Variants in ROCK1 observed in about 807,000 individuals in gnomAD.
ROCK1 encodes rho-associated protein kinase 1.
In ROCK1, 36 loss-of-function variants were observed where a neutral mutation model predicts 196.8. That is an observed-to-expected ratio of 0.18 (90% CI 0.14 to 0.24). ROCK1 has a LOEUF of 0.24. Ranked by LOEUF, ROCK1 falls within the 10% of genes least tolerant of loss-of-function variation. ROCK1 has a pLI of 1.00. For synonymous variants in ROCK1, 443 were observed against 515.9 expected (o/e 0.86, Z 1.91); for missense variants, 920 against 1,562.0 (o/e 0.59, Z 6.93).
rs1598534501 is a variant in ROCK1, at chr18:21,028,880, A to G, written c.1107T>C (p.Asp369=). The G allele has an allele frequency of 6.2e-7, 1 of 1,612,656 alleles. No homozygotes were observed. The highest frequency in any genetic ancestry group is 1.3e-5 in the African/African-American group (1 of 75,002). Residue 369 remains aspartate (D), a synonymous_variant, in exon 10 of 33, where the codon GAT becomes GAC. Coordinates refer to ENST00000399799, the MANE Select transcript of ROCK1 (RefSeq NM_005406.3). ...LSSDIDTSNF[D]DLEEDKGEEE... is the part of the protein sequence containing the mutation. The stretch of plus-strand genomic sequence containing the variant: ...CCTCTCCTTTATCTTCTTCCAAGTC[A>G]TCAAAATTACTAGTATCAATGTCAC...
chr18:21,087,576 A>G (rs947427638), intron 1 of ROCK1, among the ~76,000 whole-genome samples: 5 of 152,226 alleles, frequency 3.3e-5, no homozygotes, highest in Admixed American at 2.0e-4. Flanking sequence ...GGCCAGGCAC[A>G]GAATGGAAAA....
chr18:21,105,228 A>C (rs1392309702), intron 1 of ROCK1, among the ~76,000 whole-genome samples: 1 of 152,252 alleles, frequency 6.6e-6, no homozygotes, highest in East Asian at 1.9e-4. Flanking sequence ...TTCAGCAAAT[A>C]CATGTCAGAG....
chr18:21,009,333 T>G (rs934815624), intron 13 of ROCK1, among the ~76,000 whole-genome samples: 11 of 151,804 alleles, frequency 7.2e-5, no homozygotes, highest in Non-Finnish European at 1.3e-4. Context: ...TTTTTTTTTT[T>G]TAACTCAACA....
At chr18:21,051,969 T>TG (rs1490390644) in intron 2 of ROCK1, among the ~76,000 whole-genome samples, 1 of 151,954 alleles carries the variant, frequency 6.6e-6, no homozygotes, top group Admixed American at 6.6e-5. Context: ...AGACAGGAGG[T>TG]GGGGAGAATT....
At chr18:21,035,899 G>A (rs2036052907) in intron 9 of ROCK1, among the ~76,000 whole-genome samples, 1 of 152,166 alleles carries the variant, frequency 6.6e-6, no homozygotes, top group Non-Finnish European at 1.5e-5. Flanking sequence ...AAAGAATAGT[G>A]ATTACTGGAC....
chr18:21,034,986 CAA>C (rs1339452985), intron 9 of ROCK1, among the ~76,000 whole-genome samples: 1 of 152,118 alleles, frequency 6.6e-6, no homozygotes, highest in East Asian at 1.9e-4. Context: ...AGAAATCTCT[CAA>C]GAGAAGATAT....
chr18:20,969,377 G>A (rs2035405021), intron 23 of ROCK1, 169 bp from the exon 24 acceptor site: 17 of 495,872 alleles, frequency 3.4e-5, no homozygotes, highest in Non-Finnish European at 3.5e-6. Context: ...ATATTTAAAA[G>A]TAGTTAACAG....
chr18:20,960,037 A>C, intron 28 of ROCK1, 99 bp downstream of exon 28: 1 of 1,057,498 alleles, frequency 9.5e-7, no homozygotes, highest in Non-Finnish European at 1.5e-6. Context: ...ATTAATGTAA[A>C]ATAAATGCTA....
At chr18:20,984,276 T>C (rs2035558639) in intron 20 of ROCK1, 75 bp downstream of exon 20, 1 of 1,108,906 alleles carries the variant, frequency 9.0e-7, no homozygotes, top group Non-Finnish European at 1.3e-6. Flanking sequence ...TCTGTACATA[T>C]GTAAAATGTC....
At chr18:21,020,475 A>C (rs949386219) in intron 11 of ROCK1, among the ~76,000 whole-genome samples, 8 of 152,226 alleles carry the variant, frequency 5.3e-5, no homozygotes, top group Non-Finnish European at 1.5e-5. Context: ...CTCATGAAGC[A>C]AATAGTTACA....
rs2035296428 is a variant in ROCK1, at chr18:20,959,132, A to ATATATTATATAAAATATATATAT, written c.3512+707_3512+708insATATATATATTTTATATAATATA. On this transcript the variant is annotated intron_variant, in intron 29 of 32. Transcript: ENST00000399799. ...ATATATATTATATAATATATATATT[A>ATATATTATATAAAATATATATAT]TATATATTATATAAAATATATATAT... Among the ~76,000 whole-genome samples the ATATATTATATAAAATATATATAT allele has an allele frequency of 1.9e-4, 10 of 52,136 alleles. 1 individual carries two copies. Among genetic ancestry groups the ATATATTATATAAAATATATATAT allele is most frequent in the African/African-American group, 1.5e-3 (10 of 6,884 alleles). The allele number at this position is 52,136 out of a possible 152,430, so 34.2% of individuals were successfully genotyped here. A position where few individuals can be genotyped will look rare whatever the true frequency, so the allele number is the denominator to read the frequency against.
rs2036754634 is a variant in ROCK1 at position 21,111,691 on chromosome 18, G to C, written c.-781C>G. The C allele has an allele frequency of 1.3e-5, 2 of 153,734 alleles. No homozygotes were observed. The allele number at this position is 153,734 out of a possible 1,614,324, so 9.5% of individuals were successfully genotyped here. On this transcript the variant is annotated 5_prime_UTR_variant, in exon 1 of 33. Coordinates refer to ENST00000399799, the MANE Select transcript of ROCK1 (RefSeq NM_005406.3). This position sits in a 1 kb window ranked among gnomAD's most constrained non-coding sequence, Gnocchi z 4.2. ...TGGGGGAGCTTCTGGGAGGGGCTGC[G>C]GTCCCAGCCGGGGAAAGGGCGAGTC... is the stretch of plus-strand genomic sequence containing the variant.
At chr18:21,064,616 A>G (rs190302761) in intron 2 of ROCK1, among the ~76,000 whole-genome samples, 5 of 152,374 alleles carry the variant, frequency 3.3e-5, no homozygotes, top group Admixed American at 3.3e-4. Context: ...GGAGTAGAAG[A>G]GAGAATGACT....
At position 20,950,929 on chromosome 18, in the gene ROCK1, T is replaced by C. The variant is rs1294314084; in HGVS notation, c.*455A>G. 1.3e-5 allele frequency: 2 copies of C among 152,992 alleles called. No homozygotes were observed. The highest frequency in any genetic ancestry group is 2.4e-5 in the African/African-American group (1 of 41,360). 9.5% of individuals were successfully genotyped at this position (152,992 alleles called of 1,614,324 possible). On this transcript the variant is annotated 3_prime_UTR_variant, in exon 33 of 33. Transcript: ENST00000399799. ...TGCAAGAGCACAAAAACTTAAGTCA[T>C]TAAAAAAAAAACAAAACTTCAGTTT...
chr18:20,968,010 T>C (rs111286894), intron 25 of ROCK1, 70 bp from the exon 26 acceptor site: 5 of 1,257,370 alleles, frequency 4.0e-6, no homozygotes, highest in Middle Eastern at 2.9e-4. Context: ...TATTTTTTTC[T>C]TCAAAATCAG....
intron 1 of ROCK1, among the ~76,000 whole-genome samples, chr18:21,106,391 G>A (rs915299954): frequency 1.4e-4 from 21 of 152,116 alleles, no homozygotes; most frequent in Admixed American, 3.3e-4. Context: ...CAACCTCCCC[G>A]TCCTAGGCTC....
chr18:21,031,552 C>T (rs182784583), intron 9 of ROCK1, among the ~76,000 whole-genome samples: 1 of 140,414 alleles, frequency 7.1e-6, no homozygotes, highest in African/African-American at 2.7e-5. Flanking sequence ...TTGCAGTGAG[C>T]TAAGATCGTG....
At position 21,028,915 on chromosome 18, in the gene ROCK1, C is replaced by T. The variant is rs569522637; in HGVS notation, c.1072G>A (p.Asp358Asn). ...LRDTVAPVVP[D>N]LSSDIDTSNF... Reference sequence around the variant, plus strand: ...CTAGTATCAATGTCACTACTTAAATCGGGTACAACTGGTGCTACAGCTAAA... The same window carrying T: ...CTAGTATCAATGTCACTACTTAAATTGGGTACAACTGGTGCTACAGCTAAA... The change falls in exon 10 of 33, where the codon GAT (aspartate) becomes AAT (asparagine). Residue 358 changes from aspartate (D) to asparagine (N), a missense_variant. This residue lies in a region of ROCK1 where 234 missense variants were observed against 460.7 expected (regional missense o/e 0.51). Transcript: ENST00000399799. The T allele has an allele frequency of 4.3e-6, 7 of 1,609,226 alleles. No individual in the cohort carries two copies. The highest frequency in any genetic ancestry group is 1.3e-5 in the African/African-American group (1 of 74,678).
intron 2 of ROCK1, among the ~76,000 whole-genome samples, chr18:21,051,657 T>C (rs2036204850): frequency 6.6e-6 from 1 of 152,162 alleles, no homozygotes; most frequent in South Asian, 2.1e-4. Flanking sequence ...AATATTTAAG[T>C]ACCGAAAACC....
Sources: gnomAD v4.1 joint callset for allele counts (sites outside exome capture counted in the v4.1 genomes callset) on GRCh38, gnomAD v4.1.1 for gene constraint, gnomAD v4.1.1 regional missense constraint, Gnocchi (gnomAD v3.1) non-coding constraint, MANE v1.5 for transcripts, NCBI Gene and HGNC (gene_info 2026-07-23, HGNC 2026-07-21) for gene names.